PDE4D: variants seen among roughly 807,000 people sequenced by gnomAD.
PDE4D encodes the protein 3',5'-cyclic-AMP phosphodiesterase 4D.
In PDE4D, 24 loss-of-function variants were observed where a neutral mutation model predicts 87.4. That is an observed-to-expected ratio of 0.27 (90% CI 0.20 to 0.39). The LOEUF (loss-of-function observed/expected upper bound fraction) is 0.39, where lower values mean the gene tolerates loss of function less well. Ranked by LOEUF, PDE4D falls within the 10% of genes least tolerant of loss-of-function variation. PDE4D has a pLI of 1.00. For synonymous variants in PDE4D, 384 were observed against 383.2 expected (o/e 1.00, Z -0.02); for missense variants, 714 against 1,041.0 (o/e 0.69, Z 4.32).
intron 2 of PDE4D, among the ~76,000 whole-genome samples, chr5:60,185,209 G>T (rs959642164): frequency 6.6e-6 from 1 of 152,080 alleles, no homozygotes; most frequent in African/African-American, 2.4e-5. Context: ...TTTTAGACTT[G>T]CCCAGAAGGT....
rs79280198 is a variant in PDE4D at position 59,658,858 on chromosome 5, G to T, written c.455+234310C>A. On this transcript the variant is annotated intron_variant, in intron 1 of 14. Transcript: ENST00000340635. Reference sequence around the variant, plus strand: ...TGTGTGTGTTTCAAGAAAAGTTTCAGCCAAGCAGGTGGCTCACATCTGTAA... The same window carrying T: ...TGTGTGTGTTTCAAGAAAAGTTTCATCCAAGCAGGTGGCTCACATCTGTAA... Among the ~76,000 whole-genome samples the T allele has an allele frequency of 1.7e-3, 263 of 152,146 alleles. 10 individuals are homozygous for T. The East Asian group carries it at 0.047, about 27-fold the overall frequency.
chr5:59,647,815 T>C lies in PDE4D; in HGVS notation c.455+245353A>G, dbSNP rs1243676018. ...TAGAAAGTAATTTTGTCTTATGAGA[T>C]GACTGAATGGAACTATTAAACACAT... On this transcript the variant is annotated intron_variant, in intron 1 of 14. Transcript: ENST00000340635. 2.0e-5 allele frequency among the ~76,000 whole-genome samples: 3 copies of C among 152,222 alleles called. No homozygotes were observed. In the East Asian group the frequency reaches 5.8e-4, roughly 29 times the overall value.
intron 2 of PDE4D, among the ~76,000 whole-genome samples, chr5:60,028,717 C>T (rs1250304200): frequency 7.9e-5 from 12 of 152,300 alleles, no homozygotes; most frequent in South Asian, 2.1e-4. Flanking sequence ...TGTGACTCAA[C>T]ATTCTAAAAA....
chr5:60,468,444 C>A (rs1186875266), intron 1 of PDE4D, among the ~76,000 whole-genome samples: 3 of 151,562 alleles, frequency 2.0e-5, no homozygotes, highest in African/African-American at 7.3e-5. Context: ...CAGTCTACAT[C>A]CTAACTTTTC....
At chr5:59,526,007 C>A (rs1813065536) in intron 1 of PDE4D, among the ~76,000 whole-genome samples, 1 of 152,082 alleles carries the variant, frequency 6.6e-6, no homozygotes, top group Non-Finnish European at 1.5e-5. Context: ...TGGACTAATA[C>A]ACCCCTGCAG....
At chr5:59,150,701 A>G (rs1581075893) in intron 5 of PDE4D, among the ~76,000 whole-genome samples, 1 of 152,354 alleles carries the variant, frequency 6.6e-6, no homozygotes, top group Non-Finnish European at 1.5e-5. Flanking sequence ...TGGGTTTACC[A>G]GCAGCCAATA....
chr5:59,429,829 G>A (rs1245704753), intron 1 of PDE4D, among the ~76,000 whole-genome samples: 4 of 152,024 alleles, frequency 2.6e-5, no homozygotes, highest in African/African-American at 4.8e-5. Context: ...ACATAACCTT[G>A]TTCTTCCCTC....
Position 59,934,210 on chromosome 5 carries a change from G to A in PDE4D, c.272+54278C>T, listed in dbSNP as rs138896039. Among the ~76,000 whole-genome samples the A allele has an allele frequency of 9.9e-5, 15 of 152,186 alleles. No homozygotes were observed. In the East Asian group the frequency reaches 1.7e-3, roughly 18 times the overall value. The stretch of plus-strand genomic sequence containing the variant: ...TCAAACTCTTGACTTCAGGTGATCC[G>A]CCCACCTTGGCCTCTCAAAGCGCTG... On this transcript the variant is annotated intron_variant, in intron 3 of 16. Coordinates refer to the PDE4D transcript ENST00000502484.
chr5:60,467,846 A>C (rs1000936065), intron 1 of PDE4D, among the ~76,000 whole-genome samples: 1 of 152,136 alleles, frequency 6.6e-6, no homozygotes, highest in African/African-American at 2.4e-5. Context: ...ACACATTTTT[A>C]AATACTCAGA....
At chr5:59,967,799 A>G (rs1417765266) in intron 3 of PDE4D, among the ~76,000 whole-genome samples, 4 of 152,276 alleles carry the variant, frequency 2.6e-5, no homozygotes, top group African/African-American at 7.2e-5. Context: ...ATGCACTCAT[A>G]TGCTCATCAC....
rs529740902 is a variant in PDE4D, at chr5:59,777,127, G to A, written c.455+116041C>T. On this transcript the variant is annotated intron_variant, in intron 1 of 14. Coordinates refer to ENST00000340635, the MANE Select transcript of PDE4D (RefSeq NM_001104631.2). ...AAACCTTCCTGATTTTCTGGAGTGCGTTCTTTTTTCTTTTTGTTGAACTGC... is the reference window on the plus strand; with the variant it reads ...AAACCTTCCTGATTTTCTGGAGTGCATTCTTTTTTCTTTTTGTTGAACTGC... Among the ~76,000 whole-genome samples, 7 of 152,242 alleles carry A rather than the reference G, an allele frequency of 4.6e-5. No individual in the cohort carries two copies. The South Asian group carries it at 1.5e-3, about 32-fold the overall frequency.
intron 1 of PDE4D, chr5:59,768,214 C>T: frequency 6.3e-7 from 1 of 1,592,568 alleles, no homozygotes; most frequent in Non-Finnish European, 8.5e-7. Context: ...AGGGAAACGG[C>T]CACCATTTCT....
chr5:60,468,138 T>TTTTTTTG (rs1268699256), intron 1 of PDE4D, among the ~76,000 whole-genome samples: 4 of 70,904 alleles, frequency 5.6e-5, no homozygotes, highest in East Asian at 4.7e-4. Flanking sequence ...TTCTTTTTTC[T>TTTTTTTG]TTTTTTTTTG....
At chr5:59,688,382 G>A (rs888973513) in intron 1 of PDE4D, among the ~76,000 whole-genome samples, 2 of 152,176 alleles carry the variant, frequency 1.3e-5, no homozygotes, top group Non-Finnish European at 2.9e-5. Context: ...TCAGACCACA[G>A]TGCAATCAAA....
At chr5:59,569,882 G>A (rs1821536726) in intron 1 of PDE4D, among the ~76,000 whole-genome samples, 1 of 152,156 alleles carries the variant, frequency 6.6e-6, no homozygotes, top group Admixed American at 6.5e-5. Flanking sequence ...GAATGATGCA[G>A]GGTCAAGTGC....
intron 1 of PDE4D, among the ~76,000 whole-genome samples, chr5:59,293,117 TC>T: frequency 6.6e-6 from 1 of 152,286 alleles, no homozygotes; most frequent in African/African-American, 2.4e-5. Flanking sequence ...AATACAATTC[TC>T]CTTAATGTTT....
chr5:59,180,453 A>G, intron 5 of PDE4D, 142 bp downstream of exon 5: 2 of 755,170 alleles, frequency 2.6e-6, no homozygotes, highest in Non-Finnish European at 4.7e-6. Context: ...GAGATCAATG[A>G]TAGAAATGAT....
At chr5:59,224,293 T>TACACACACACACACACAC in intron 1 of PDE4D, among the ~76,000 whole-genome samples, 1 of 135,500 alleles carries the variant, frequency 7.4e-6, no homozygotes, top group African/African-American at 2.6e-5. Context: ...CACACACACA[T>TACACACACACACACACAC]ACACACACAC....
intron 3 of PDE4D, among the ~76,000 whole-genome samples, chr5:59,900,797 T>C (rs1443562398): frequency 6.6e-6 from 1 of 152,180 alleles, no homozygotes. Flanking sequence ...ATCTCAAAAA[T>C]GTAAAAGAGA....
Sources: allele counts gnomAD v4.1 joint callset (sites outside exome capture counted in the v4.1 genomes callset), GRCh38; gene constraint gnomAD v4.1.1; transcripts MANE v1.5; gene names NCBI Gene and HGNC (gene_info 2026-07-23, HGNC 2026-07-21).